The following BABAM2 variants were observed in gnomAD, a reference collection of about 807,000 sequenced individuals.
BABAM2 encodes BRISC and BRCA1 A complex member 2.
In BABAM2, 31 loss-of-function variants were observed where a neutral mutation model predicts 54.7. That is an observed-to-expected ratio of 0.57 (90% CI 0.43 to 0.77). BABAM2 has a LOEUF of 0.77. BABAM2 is among the 30% of genes least tolerant of loss of function. The probability of loss-of-function intolerance (pLI) is 0.00; values close to 1 mark genes in which losing one functional copy is unlikely to be tolerated. For missense variants in BABAM2, 364 were observed against 455.8 expected (o/e 0.80, Z 1.83); for synonymous variants, 167 against 162.9 (o/e 1.03, Z -0.19).
At chr2:27,909,099 G>C (rs1666396516) in intron 2 of BABAM2, among the ~76,000 whole-genome samples, 1 of 152,056 alleles carries the variant, frequency 6.6e-6, no homozygotes, top group South Asian at 2.1e-4. Context: ...CTGGAGTGCA[G>C]TGGGGCAATC....
intron 11 of BABAM2, chr2:28,310,211 C>T (rs1688951999): frequency 1.3e-6 from 2 of 1,558,114 alleles, no homozygotes; most frequent in Non-Finnish European, 1.8e-6. Flanking sequence ...AAATGATAAG[C>T]TCCATTGAAA....
At chr2:27,930,689 T>G (rs1352700533) in intron 3 of BABAM2, among the ~76,000 whole-genome samples, 1 of 152,248 alleles carries the variant, frequency 6.6e-6, no homozygotes, top group African/African-American at 2.4e-5. Context: ...GTTATTGATC[T>G]TGGATGGATA....
At chr2:27,912,510 A>T (rs1666675518) in intron 2 of BABAM2, among the ~76,000 whole-genome samples, 1 of 152,222 alleles carries the variant, frequency 6.6e-6, no homozygotes, top group Admixed American at 6.5e-5. Context: ...TTAAAAGAGT[A>T]TGTAAGTCAG....
At position 28,057,589 on chromosome 2, in the gene BABAM2, C is replaced by T. The variant is rs553825700; in HGVS notation, c.570+11790C>T. Among the ~76,000 whole-genome samples the T allele has an allele frequency of 4.6e-5, 7 of 152,104 alleles. No individual in the cohort carries two copies. The South Asian group carries it at 8.3e-4, about 18-fold the overall frequency. ...CCACCTGGCACCTGACAGGTTGTGCCGGTTTGTTTCTGTCATCTGTTCTCA... is the reference window on the plus strand; with the variant it reads ...CCACCTGGCACCTGACAGGTTGTGCTGGTTTGTTTCTGTCATCTGTTCTCA... On this transcript the variant is annotated intron_variant, in intron 6 of 11. Coordinates refer to ENST00000379624, the MANE Select transcript of BABAM2 (RefSeq NM_199191.3).
intron 2 of BABAM2, 163 bp downstream of exon 2, chr2:27,894,847 T>C: frequency 2.8e-6 from 2 of 709,312 alleles, no homozygotes; most frequent in South Asian, 2.3e-5. Context: ...GTTCTTGACA[T>C]TTTATGTTTC....
At chr2:28,310,405 T>G in intron 11 of BABAM2, 5 of 408,496 alleles carry the variant, frequency 1.2e-5, no homozygotes, top group South Asian at 4.6e-5. Flanking sequence ...AGGCCATCTC[T>G]CCCCAGGCCC....
intron 6 of BABAM2, among the ~76,000 whole-genome samples, chr2:28,085,379 A>G (rs1190958243): frequency 6.6e-6 from 1 of 152,240 alleles, no homozygotes; most frequent in African/African-American, 2.4e-5. Context: ...TGTATTCTGC[A>G]GGAATGATTT....
chr2:27,925,638 G>A (rs563950252), intron 2 of BABAM2, among the ~76,000 whole-genome samples: 25 of 152,070 alleles, frequency 1.6e-4, no homozygotes, highest in Non-Finnish European at 2.2e-4. Flanking sequence ...GCTATGTAGC[G>A]ATGTCTTTCC....
intron 11 of BABAM2, among the ~76,000 whole-genome samples, chr2:28,332,888 AG>A: frequency 6.6e-6 from 1 of 152,198 alleles, no homozygotes; most frequent in East Asian, 1.9e-4. Context: ...ACTTTGGCTG[AG>A]TATCCAAGCC....
At chr2:28,281,142 C>A (rs1464677730) in intron 10 of BABAM2, among the ~76,000 whole-genome samples, 1 of 152,138 alleles carries the variant, frequency 6.6e-6, no homozygotes, top group Non-Finnish European at 1.5e-5. Context: ...CTATACCACA[C>A]CTTAGAAGGA....
intron 7 of BABAM2, among the ~76,000 whole-genome samples, chr2:28,140,497 A>G (rs1670946408): frequency 6.6e-6 from 1 of 152,224 alleles, no homozygotes; most frequent in Non-Finnish European, 1.5e-5. Flanking sequence ...GTCAAAACCC[A>G]TAGAACTGTA....
intron 2 of BABAM2, among the ~76,000 whole-genome samples, chr2:27,913,547 G>T (rs963595829): frequency 2.0e-5 from 3 of 152,122 alleles, no homozygotes; most frequent in African/African-American, 7.2e-5. Context: ...CAGTTAGTTG[G>T]ATCAGTAAAA....
intron 7 of BABAM2, among the ~76,000 whole-genome samples, chr2:28,195,787 T>G (rs1677465534): frequency 6.6e-6 from 1 of 152,190 alleles, no homozygotes; most frequent in Non-Finnish European, 1.5e-5. Flanking sequence ...CATAGCACAA[T>G]TTTCTCATAA....
intron 3 of BABAM2, among the ~76,000 whole-genome samples, chr2:27,981,623 C>G (rs1487863242): frequency 1.3e-5 from 2 of 152,052 alleles, no homozygotes; most frequent in South Asian, 2.1e-4. Flanking sequence ...CAATAAGTAG[C>G]CTTTTGTGTC....
chr2:28,105,228 C>CA lies in BABAM2; in HGVS notation c.571-24033dup, dbSNP rs370192702. On this transcript the variant is annotated intron_variant, in intron 6 of 11. Transcript: ENST00000379624. ...ATAAAGTAAATTCAGTTTGTGATGTCAAAAAAAAAAGTATTGCTTTAGCAT... is the reference window on the plus strand; with the variant it reads ...ATAAAGTAAATTCAGTTTGTGATGTCAAAAAAAAAAAGTATTGCTTTAGCAT... 2.5e-3 allele frequency among the ~76,000 whole-genome samples: 372 copies of CA among 146,206 alleles called. 4 individuals carry two copies. Among genetic ancestry groups the CA allele is most frequent in the African/African-American group, 8.5e-3 (341 of 40,002 alleles).
At chr2:28,180,268 A>G (rs918832903) in intron 7 of BABAM2, among the ~76,000 whole-genome samples, 1 of 152,176 alleles carries the variant, frequency 6.6e-6, no homozygotes, top group Non-Finnish European at 1.5e-5. Flanking sequence ...TGAAACAGAC[A>G]CATAGACCAA....
chr2:27,986,870 A>G (rs1672435769), intron 3 of BABAM2, among the ~76,000 whole-genome samples: 1 of 152,162 alleles, frequency 6.6e-6, no homozygotes, highest in East Asian at 1.9e-4. Context: ...TTGTCGATAA[A>G]CTAATCTACT....
At chr2:28,099,435 A>G (rs1262579411) in intron 6 of BABAM2, among the ~76,000 whole-genome samples, 2 of 152,156 alleles carry the variant, frequency 1.3e-5, no homozygotes, top group Admixed American at 6.5e-5. Flanking sequence ...GCAGTTTTCT[A>G]TAAGCACTTG....
intron 5 of BABAM2, 112 bp from the exon 6 acceptor site, chr2:28,045,613 A>C: frequency 2.5e-6 from 2 of 814,060 alleles, no homozygotes; most frequent in Non-Finnish European, 3.7e-6. Flanking sequence ...TAGGAAAACC[A>C]AATTGAAGAT....
Sources: gnomAD v4.1 joint callset for allele counts (sites outside exome capture counted in the v4.1 genomes callset) on GRCh38, gnomAD v4.1.1 for gene constraint, MANE v1.5 for transcripts, NCBI Gene and HGNC (gene_info 2026-07-23, HGNC 2026-07-21) for gene names.